The following TMC3 variants were observed in gnomAD, a reference collection of about 807,000 sequenced individuals.
TMC3 encodes the protein transmembrane channel like 3.
TMC3 carries 98 observed loss-of-function variants against 110.6 expected under a neutral mutation model. The ratio of observed to expected loss-of-function variants is 0.89; its 90% CI spans 0.75 to 1.05. The LOEUF is 1.05. TMC3 is among the 50% of genes least tolerant of loss of function. The pLI, the probability that TMC3 is intolerant of heterozygous loss-of-function variation, is 0.00. For missense variants in TMC3, 1,319 were observed against 1,373.2 expected (o/e 0.96, Z 0.62); for synonymous variants, 489 against 513.1 (o/e 0.95, Z 0.63).
At chr15:81,351,987 C>A in intron 9 of TMC3, 146 bp from the exon 10 acceptor site, 1 of 876,400 alleles carries the variant, frequency 1.1e-6, no homozygotes, top group Non-Finnish European at 1.7e-6. Flanking sequence ...CCAGCCCACC[C>A]CACCCAGCAC....
chr15:81,362,347 G>A, intron 3 of TMC3, 46 bp from the exon 4 acceptor site: 1 of 1,492,006 alleles, frequency 6.7e-7, no homozygotes, highest in South Asian at 1.2e-5. Flanking sequence ...ACATGAAGAT[G>A]GCAATGGCTG....
In TMC3 at chr15:81,341,950, C is replaced by T. The variant is rs73496845; in HGVS notation, c.1716-432G>A. ...TGCTGGATATGGCATTAAGCATCCT[C>T]ACACATTTCAGTTTGTTTACTCTTC... On this transcript the variant is annotated intron_variant, in intron 15 of 21. Coordinates refer to ENST00000359440, the MANE Select transcript of TMC3 (RefSeq NM_001080532.3). Among the ~76,000 whole-genome samples, 1,501 of 152,306 alleles carry T rather than the reference C, an allele frequency of 9.9e-3. 34 individuals carry two copies. The highest frequency in any genetic ancestry group is 0.034 in the African/African-American group (1,428 of 41,562).
chr15:81,368,420 T>A (rs1894364644), intron 2 of TMC3, 92 bp from the exon 3 acceptor site: 1 of 910,932 alleles, frequency 1.1e-6, no homozygotes, highest in Non-Finnish European at 1.8e-6. Flanking sequence ...TAGGTTGCCA[T>A]CTTGTCCTGA....
At chr15:81,364,121 A>C (rs1894251871) in intron 3 of TMC3, among the ~76,000 whole-genome samples, 1 of 150,526 alleles carries the variant, frequency 6.6e-6, no homozygotes, top group Non-Finnish European at 1.5e-5. Context: ...TCATACATGC[A>C]ATGGGCTAAG....
At chr15:81,358,616 G>A in intron 5 of TMC3, 116 bp from the exon 6 acceptor site, 2 of 770,752 alleles carry the variant, frequency 2.6e-6, no homozygotes, top group Non-Finnish European at 4.0e-6. Flanking sequence ...ATCTCCAGGG[G>A]GTGGATTTCT....
At chr15:81,355,621 G>GC in intron 9 of TMC3, 104 bp downstream of exon 9, 3 of 786,592 alleles carry the variant, frequency 3.8e-6, no homozygotes, top group Non-Finnish European at 6.5e-6. Flanking sequence ...AAGAAGAGCT[G>GC]CCTGACAATT....
intron 2 of TMC3, among the ~76,000 whole-genome samples, chr15:81,371,939 A>G (rs1268428431): frequency 6.6e-6 from 1 of 152,210 alleles, no homozygotes; most frequent in East Asian, 1.9e-4. Context: ...TTTAAAAAAG[A>G]AAAGAACTGG....
Position 81,343,216 on chromosome 15 carries a change from T to A in TMC3, c.1715+62A>T, listed in dbSNP as rs1169491122. 9 of 1,048,444 alleles carry A rather than the reference T, an allele frequency of 8.6e-6. No homozygotes were observed. In the Admixed American group the frequency reaches 1.6e-4, roughly 18 times the overall value. 64.9% of individuals were successfully genotyped at this position (1,048,444 alleles called of 1,614,324 possible). A position where few individuals can be genotyped will look rare whatever the true frequency, so the allele number is the denominator to read the frequency against. ...ATGGTCGTGTCCCATCTAGACTAAG[T>A]AAATTAAAATCTTAGCCCAGATGAG... On this transcript the variant is annotated intron_variant, in intron 15 of 21. Coordinates refer to ENST00000359440, the MANE Select transcript of TMC3 (RefSeq NM_001080532.3).
rs375168119 is a variant in TMC3 at position 81,343,976 on chromosome 15, G to A, written c.1588C>T (p.Arg530Ter). 21 of 1,613,258 alleles carry A rather than the reference G, an allele frequency of 1.3e-5. No individual in the cohort carries two copies. The African/African-American group carries it at 1.5e-4, about 11-fold the overall frequency. ...VASILLIDFF[R>*]GLFVRYLSDY... ...CTTAAGTACCGCACGAAAAGTCCTC[G>A]GAAGAAGTCTATGAGCAGAATGCTC... The change falls in exon 14 of 22, where the codon CGA becomes TGA. Residue 530 changes from arginine (R) to a stop codon, truncating the protein, a stop_gained. Coordinates refer to ENST00000359440, the MANE Select transcript of TMC3 (RefSeq NM_001080532.3). LOFTEE classifies it high-confidence loss of function.
intron 10 of TMC3, among the ~76,000 whole-genome samples, chr15:81,350,899 G>C (rs185903469): frequency 1.3e-5 from 2 of 152,162 alleles, no homozygotes; most frequent in East Asian, 1.9e-4. Flanking sequence ...CGGGGGTTGG[G>C]GGGGAGAAGA....
At chr15:81,350,800 A>T (rs1893930231) in intron 10 of TMC3, among the ~76,000 whole-genome samples, 1 of 152,240 alleles carries the variant, frequency 6.6e-6, no homozygotes, top group African/African-American at 2.4e-5. Context: ...ACCTTTCAGG[A>T]CAATGGTCTT....
Position 81,333,272 on chromosome 15 carries a change from A to G in TMC3, c.2460-10T>C. 6.3e-7 allele frequency: 1 copy of G among 1,590,112 alleles called. No homozygotes were observed. Among genetic ancestry groups the G allele is most frequent in the Non-Finnish European group, 8.6e-7 (1 of 1,165,630 alleles). ...CAGACCGTGCAGATACCTGTAAGAC[A>G]GGGGCGGTTAAGTAGCTGTGGCCTT... is the stretch of plus-strand genomic sequence containing the variant. On this transcript the variant is annotated splice_polypyrimidine_tract_variant and intron_variant, in intron 21 of 21. Coordinates refer to ENST00000359440, the MANE Select transcript of TMC3 (RefSeq NM_001080532.3).
chr15:81,361,055 TA>T (rs1894177783), intron 4 of TMC3, among the ~76,000 whole-genome samples: 1 of 151,630 alleles, frequency 6.6e-6, no homozygotes, highest in Non-Finnish European at 1.5e-5. Context: ...TAAAACTTTT[TA>T]AAAAAGAAAT....
intron 3 of TMC3, among the ~76,000 whole-genome samples, chr15:81,366,283 T>C (rs967001828): frequency 6.6e-6 from 1 of 152,198 alleles, no homozygotes; most frequent in Admixed American, 6.5e-5. Context: ...GAGGTCATAC[T>C]TGAGCTGAGA....
chr15:81,352,981 T>A (rs1893983206), intron 9 of TMC3, among the ~76,000 whole-genome samples: 1 of 152,124 alleles, frequency 6.6e-6, no homozygotes, highest in East Asian at 1.9e-4. Flanking sequence ...CCACCACACC[T>A]GGCTAATTTT....
intron 1 of TMC3, among the ~76,000 whole-genome samples, chr15:81,373,380 C>G (rs1235876839): frequency 6.6e-6 from 1 of 152,184 alleles, no homozygotes; most frequent in African/African-American, 2.4e-5. Flanking sequence ...AACATTTACT[C>G]CCAGTTACAC....
Position 81,332,742 on chromosome 15 carries a change from T to A in TMC3, c.2980A>T (p.Lys994Ter), listed in dbSNP as rs777925530. 4 of 1,613,550 alleles carry A rather than the reference T, an allele frequency of 2.5e-6. No homozygotes were observed. In the Admixed American group the frequency reaches 6.7e-5, roughly 27 times the overall value. The part of the protein sequence containing the change: ...DPEHQGRVHY[K>*]SWNEDFEGHL... Reference sequence around the variant, plus strand: ...CCCTCAAAATCTTCATTCCACGACTTGTAGTGCACCCTCCCCTGGTGCTCG... The same window carrying A: ...CCCTCAAAATCTTCATTCCACGACTAGTAGTGCACCCTCCCCTGGTGCTCG... The change falls in exon 22 of 22, where the codon AAG becomes TAG. Residue 994 changes from lysine (K) to a stop codon, truncating the protein, a stop_gained. Coordinates refer to ENST00000359440, the MANE Select transcript of TMC3 (RefSeq NM_001080532.3). LOFTEE classifies it low-confidence loss of function (END_TRUNC).
At chr15:81,343,367 T>C (rs1397664552) in intron 14 of TMC3, 22 bp from the exon 15 acceptor site, 2 of 1,553,586 alleles carry the variant, frequency 1.3e-6, no homozygotes, top group Admixed American at 3.3e-5. Flanking sequence ...AATAAACTTG[T>C]GCATTAAACA....
intron 3 of TMC3, among the ~76,000 whole-genome samples, chr15:81,365,977 A>G (rs539294519): frequency 5.9e-5 from 9 of 152,194 alleles, no homozygotes; most frequent in Non-Finnish European, 1.3e-4. Context: ...ACATATCATT[A>G]TACATACATA....
Sources: gnomAD v4.1 joint callset for allele counts (sites outside exome capture counted in the v4.1 genomes callset) on GRCh38, gnomAD v4.1.1 for gene constraint, MANE v1.5 for transcripts, NCBI Gene and HGNC (gene_info 2026-07-23, HGNC 2026-07-21) for gene names.